The following ADGRA3 variants were observed in gnomAD, a reference collection of about 807,000 sequenced individuals.
ADGRA3 encodes the protein G-protein coupled receptor 125.
A neutral mutation model predicts 119.8 loss-of-function variants in ADGRA3; 56 were observed. The observed-to-expected ratio is 0.47, with a 90% CI of 0.38 to 0.58. The LOEUF (loss-of-function observed/expected upper bound fraction) is 0.58, where lower values mean the gene tolerates loss of function less well. Among genes scored for constraint, ADGRA3 ranks in the 20% least tolerant of loss-of-function variants. ADGRA3 has a pLI of 0.00. For synonymous variants in ADGRA3, 607 were observed against 623.8 expected (o/e 0.97, Z 0.40); for missense variants, 1,516 against 1,649.0 (o/e 0.92, Z 1.40).
At chr4:22,439,485 A>C (rs1716525470) in intron 7 of ADGRA3, among the ~76,000 whole-genome samples, 1 of 152,196 alleles carries the variant, frequency 6.6e-6, no homozygotes, top group Non-Finnish European at 1.5e-5. Flanking sequence ...TTAGACAGAA[A>C]GTATGTATCA....
At position 22,389,068 on chromosome 4, in the gene ADGRA3, A is replaced by G. The variant is rs759901043; in HGVS notation, c.2723+20T>C. On this transcript the variant is annotated intron_variant, in intron 18 of 18. Coordinates refer to ENST00000334304, the MANE Select transcript of ADGRA3 (RefSeq NM_145290.4). ...AGAGAAACAACTGGGTCAAGTACAC[A>G]GAGAATATAAAATACTCACTAGGGT... 2.6e-5 allele frequency: 42 copies of G among 1,609,100 alleles called. No homozygotes were observed. The South Asian group carries it at 3.0e-4, about 11-fold the overall frequency.
intron 12 of ADGRA3, among the ~76,000 whole-genome samples, chr4:22,415,089 GATGTAGC>G (rs1354962102): frequency 6.6e-6 from 1 of 152,054 alleles, no homozygotes; most frequent in Non-Finnish European, 1.5e-5. Context: ...AGTCCCCCAT[GATGTAGC>G]TCACTGTCTG....
At position 22,463,627 on chromosome 4, in the gene ADGRA3, C is replaced by T. The variant is rs1244982740; in HGVS notation, c.330-1819G>A. 3.9e-5 allele frequency among the ~76,000 whole-genome samples: 6 copies of T among 152,314 alleles called. No individual in the cohort carries two copies. In the South Asian group the frequency reaches 1.0e-3, roughly 26 times the overall value. On this transcript the variant is annotated intron_variant, in intron 2 of 18. Coordinates refer to ENST00000334304, the MANE Select transcript of ADGRA3 (RefSeq NM_145290.4). ...AGGCACATTCAACGTTACTGTCCCA[C>T]CAGCTAATGAAAGTGAACTGCTATA...
intron 7 of ADGRA3, among the ~76,000 whole-genome samples, chr4:22,440,469 T>C (rs7658694): frequency 1 from 152,232 of 152,268 alleles, 76,098 homozygotes; most frequent in Middle Eastern, 1. Flanking sequence ...TTTCTTTCTT[T>C]TATTATTCTG....
chr4:22,504,895 CA>C lies in ADGRA3; in HGVS notation c.257+10632del, dbSNP rs1201626533. On this transcript the variant is annotated intron_variant, in intron 1 of 18. Transcript: ENST00000334304. ...CAGGCCCCATCCCTGAACAATACAT[CA>C]GAACATGAAGTCTGTGGTCCAAGCA... 7.9e-5 allele frequency among the ~76,000 whole-genome samples: 12 copies of C among 152,222 alleles called. No individual in the cohort carries two copies. In the East Asian group the frequency reaches 9.7e-4, roughly 12 times the overall value.
At chr4:22,427,784 T>C (rs1716002184) in intron 10 of ADGRA3, among the ~76,000 whole-genome samples, 1 of 152,118 alleles carries the variant, frequency 6.6e-6, no homozygotes, top group Non-Finnish European at 1.5e-5. Context: ...CTGCAACCAG[T>C]GTAAGGAGCA....
intron 16 of ADGRA3, among the ~76,000 whole-genome samples, chr4:22,395,746 A>G (rs1031809345): frequency 6.6e-6 from 1 of 152,212 alleles, no homozygotes; most frequent in Non-Finnish European, 1.5e-5. Flanking sequence ...TGACTTAGGG[A>G]AGTTATTTCA....
intron 1 of ADGRA3, among the ~76,000 whole-genome samples, chr4:22,480,375 A>G (rs1188634396): frequency 6.6e-6 from 1 of 152,170 alleles, no homozygotes; most frequent in Non-Finnish European, 1.5e-5. Context: ...ATATTTTGCT[A>G]TAAATCAGTA....
At chr4:22,429,626 T>C (rs536520660) in intron 10 of ADGRA3, among the ~76,000 whole-genome samples, 1 of 152,054 alleles carries the variant, frequency 6.6e-6, no homozygotes, top group South Asian at 2.1e-4. Context: ...TGTTTTGACC[T>C]GGGCAAGAGG....
intron 7 of ADGRA3, among the ~76,000 whole-genome samples, chr4:22,440,777 T>A (rs1716580235): frequency 6.6e-6 from 1 of 152,206 alleles, no homozygotes; most frequent in African/African-American, 2.4e-5. Context: ...ATTGTCTGTT[T>A]ATACAATAAA....
chr4:22,515,388 G>A (rs902560909), intron 1 of ADGRA3, 140 bp downstream of exon 1: 37 of 993,236 alleles, frequency 3.7e-5, no homozygotes, highest in Non-Finnish European at 2.9e-5. Flanking sequence ...CCAAGCACAC[G>A]AGGTCTTTCC....
rs1454036372 is a variant in ADGRA3, at chr4:22,406,788, T to C, written c.2233-3989A>G. Among the ~76,000 whole-genome samples, 6 of 152,106 alleles carry C rather than the reference T, an allele frequency of 3.9e-5. No individual in the cohort carries two copies. The South Asian group carries it at 8.3e-4, about 21-fold the overall frequency. ...GAAAAGCATAGTATAAAGGGCCAGA[T>C]AGTAAACATTGTAGACTTTGGGGGC... On this transcript the variant is annotated intron_variant, in intron 14 of 18. Transcript: ENST00000334304.
chr4:22,473,820 G>C lies in ADGRA3; in HGVS notation c.281C>G (p.Ser94Cys). The C allele has an allele frequency of 6.2e-7, 1 of 1,605,672 alleles. No homozygotes were observed. Among genetic ancestry groups the C allele is most frequent in the Non-Finnish European group, 8.5e-7 (1 of 1,174,808 alleles). The change falls in exon 2 of 19, where the codon TCC becomes TGC. Residue 94 changes from serine to cysteine, a missense_variant. Transcript: ENST00000334304. Reference protein sequence around the residue: ...VTLILSNNKISELKNGSFSGL... With the variant: ...VTLILSNNKICELKNGSFSGL... ...AGAAAATGAGCCATTCTTCAGCTCG[G>C]ATATCTTATTGTTACTCAGAATCCT...
chr4:22,417,735 A>G (rs1715486962), intron 12 of ADGRA3, among the ~76,000 whole-genome samples: 2 of 152,128 alleles, frequency 1.3e-5, no homozygotes, highest in African/African-American at 2.4e-5. Context: ...ATTAACAGGC[A>G]ATGGTTAATT....
chr4:22,458,491 C>G (rs997217204), intron 3 of ADGRA3, among the ~76,000 whole-genome samples: 5 of 152,128 alleles, frequency 3.3e-5, no homozygotes, highest in Non-Finnish European at 7.4e-5. Flanking sequence ...GGTCGGTGTT[C>G]GTAATTCCAT....
intron 16 of ADGRA3, 80 bp from the exon 17 acceptor site, chr4:22,392,770 GAAGTCTGA>G: frequency 2.3e-6 from 3 of 1,329,494 alleles, no homozygotes; most frequent in Non-Finnish European, 3.1e-6. Flanking sequence ...AAGTAACTCA[GAAGTCTGA>G]TTTGAAAGCA....
intron 1 of ADGRA3, among the ~76,000 whole-genome samples, chr4:22,492,935 T>C (rs74375472): frequency 0.031 from 4,737 of 152,298 alleles, 253 homozygotes; most frequent in African/African-American, 0.11. Context: ...CTGTAGATAC[T>C]ACTGTTACCA....
intron 14 of ADGRA3, among the ~76,000 whole-genome samples, chr4:22,410,128 A>T (rs1371209809): frequency 6.6e-6 from 1 of 151,016 alleles, no homozygotes; most frequent in Non-Finnish European, 1.5e-5. Context: ...TAAAAGAATC[A>T]CTAGAAAAAG....
intron 13 of ADGRA3, 104 bp from the exon 14 acceptor site, chr4:22,413,494 A>G (rs1715302394): frequency 7.3e-6 from 10 of 1,361,738 alleles, no homozygotes; most frequent in Admixed American, 1.8e-5. Context: ...TTTCTTCACT[A>G]GTGACTCATT....
Sources: allele counts gnomAD v4.1 joint callset (sites outside exome capture counted in the v4.1 genomes callset), GRCh38; gene constraint gnomAD v4.1.1; transcripts MANE v1.5; gene names NCBI Gene and HGNC (gene_info 2026-07-23, HGNC 2026-07-21).